The following AKAP10 variants were observed in gnomAD, a reference collection of about 807,000 sequenced individuals.
AKAP10 encodes the protein A-kinase anchor protein 10, mitochondrial.
AKAP10 carries 24 observed loss-of-function variants against 80.8 expected under a neutral mutation model. The ratio of observed to expected loss-of-function variants is 0.30; its 90% CI spans 0.22 to 0.42. AKAP10 has a LOEUF of 0.42. Ranked by LOEUF, AKAP10 falls within the 10% of genes least tolerant of loss-of-function variation. The pLI, the probability that AKAP10 is intolerant of heterozygous loss-of-function variation, is 1.00. For synonymous variants in AKAP10, 291 were observed against 277.7 expected, an observed-to-expected ratio of 1.05 and a Z score of -0.48; for missense variants, 661 against 794.9, an observed-to-expected ratio of 0.83 and a Z score of 2.03.
intron 3 of AKAP10, among the ~76,000 whole-genome samples, chr17:19,960,340 C>A (rs1317150512): frequency 6.6e-6 from 1 of 152,214 alleles, no homozygotes; most frequent in Non-Finnish European, 1.5e-5. Context: ...TTTATAACTA[C>A]ACCCACTTAC....
chr17:19,918,432 C>A lies in AKAP10; in HGVS notation c.1834+1604G>T, dbSNP rs187725174. 1.3e-3 allele frequency among the ~76,000 whole-genome samples: 191 copies of A among 152,076 alleles called. 1 individual carries two copies. Among genetic ancestry groups the A allele is most frequent in the African/African-American group, 4.4e-3 (182 of 41,466 alleles). On this transcript the variant is annotated intron_variant, in intron 12 of 14. Coordinates refer to ENST00000225737, the MANE Select transcript of AKAP10 (RefSeq NM_007202.4). ...GCCTGTAATCCCAGCTACTCAGGAG[C>A]CTGAGGCAGTAGGATCGCTTAAACC...
intron 1 of AKAP10, 47 bp downstream of exon 1, chr17:19,977,545 C>T: frequency 1.6e-6 from 2 of 1,222,012 alleles, no homozygotes; most frequent in Non-Finnish European, 2.0e-6. Context: ...GCCCCACCGC[C>T]GCCCCTGAGG....
intron 10 of AKAP10, chr17:19,929,425 G>A (rs1352476963): frequency 6.6e-6 from 1 of 152,120 alleles, no homozygotes; most frequent in Non-Finnish European, 1.5e-5. Flanking sequence ...GCTAATCTAT[G>A]CCATCAAAAG....
chr17:19,968,201 C>CA (rs34802640), intron 2 of AKAP10, among the ~76,000 whole-genome samples: 2,196 of 68,578 alleles, frequency 0.032, 81 homozygotes, highest in Non-Finnish European at 0.044. Flanking sequence ...ACTCCGTCTC[C>CA]AAAAAAAAAA....
chr17:19,911,060 T>C (rs903437081), intron 12 of AKAP10, among the ~76,000 whole-genome samples: 1 of 152,208 alleles, frequency 6.6e-6, no homozygotes, highest in African/African-American at 2.4e-5. Flanking sequence ...AATAACTGAA[T>C]TCATAAAAAA....
At chr17:19,933,860 T>C (rs1219026464) in intron 9 of AKAP10, among the ~76,000 whole-genome samples, 1 of 152,178 alleles carries the variant, frequency 6.6e-6, no homozygotes, top group African/African-American at 2.4e-5. Flanking sequence ...TGGAAAAATC[T>C]CCTCTAGTTC....
chr17:19,950,725 C>T (rs1324828312), intron 4 of AKAP10, among the ~76,000 whole-genome samples: 2 of 152,156 alleles, frequency 1.3e-5, no homozygotes, highest in African/African-American at 4.8e-5. Flanking sequence ...TCTGCCCGGC[C>T]GCCACCCCGT....
chr17:19,945,137 T>C (rs1638526), intron 5 of AKAP10, among the ~76,000 whole-genome samples: 49,046 of 152,094 alleles, frequency 0.32, 9,117 homozygotes, highest in African/African-American at 0.51. Context: ...TCTCAAATTC[T>C]TTGATCACAA....
In AKAP10 at chr17:19,905,294, A is replaced by AG. The variant is rs1597483651; in HGVS notation, c.*932dup. ...TCCAGCTCACAGCAAAGAATGGGGG[A>AG]GGCAGTCAAAGTCAAATGTTTCTCT... On this transcript the variant is annotated 3_prime_UTR_variant, in exon 15 of 15. Transcript: ENST00000225737. The AG allele has an allele frequency of 6.6e-6, 1 of 151,790 alleles. No individual in the cohort carries two copies. Among genetic ancestry groups the AG allele is most frequent in the African/African-American group, 2.4e-5 (1 of 41,306 alleles). 9.4% of individuals were successfully genotyped at this position (151,790 alleles called of 1,614,324 possible). A position where few individuals can be genotyped will look rare whatever the true frequency, so the allele number is the denominator to read the frequency against.
intron 12 of AKAP10, among the ~76,000 whole-genome samples, chr17:19,915,601 A>G (rs1487163939): frequency 2.0e-5 from 3 of 152,250 alleles, no homozygotes; most frequent in African/African-American, 7.2e-5. Flanking sequence ...ACCAAACTGC[A>G]GAAATTCCTA....
intron 5 of AKAP10, 28 bp from the exon 6 acceptor site, chr17:19,941,938 T>G: frequency 6.2e-7 from 1 of 1,602,186 alleles, no homozygotes; most frequent in South Asian, 1.1e-5. Context: ...AATAATTAAA[T>G]TGCCACTAAA....
chr17:19,919,728 C>T lies in AKAP10; in HGVS notation c.1834+308G>A, dbSNP rs549677000. On this transcript the variant is annotated intron_variant, in intron 12 of 14. Coordinates refer to ENST00000225737, the MANE Select transcript of AKAP10 (RefSeq NM_007202.4). ...AAAAAATATAATTTAATAAAATAAACGGTCTCAAACATTAAGTCCAACTTA... is the reference window on the plus strand; with the variant it reads ...AAAAAATATAATTTAATAAAATAAATGGTCTCAAACATTAAGTCCAACTTA... Among the ~76,000 whole-genome samples, 3 of 151,468 alleles carry T rather than the reference C, an allele frequency of 2.0e-5. No individual in the cohort carries two copies. In the South Asian group the frequency reaches 6.3e-4, roughly 32 times the overall value.
intron 12 of AKAP10, among the ~76,000 whole-genome samples, chr17:19,916,123 A>G (rs566128074): frequency 7.2e-5 from 11 of 152,234 alleles, no homozygotes; most frequent in African/African-American, 2.6e-4. Context: ...CTTCCTCCAC[A>G]TGCTGCCTGG....
At chr17:19,922,488 C>T (rs994777334) in intron 11 of AKAP10, among the ~76,000 whole-genome samples, 1 of 152,050 alleles carries the variant, frequency 6.6e-6, no homozygotes, top group African/African-American at 2.4e-5. Flanking sequence ...TCAAGTGAGC[C>T]GCCTGCCGAG....
chr17:19,910,652 C>A (rs968004376), intron 12 of AKAP10, among the ~76,000 whole-genome samples: 2 of 135,132 alleles, frequency 1.5e-5, no homozygotes, highest in Non-Finnish European at 3.2e-5. Flanking sequence ...CAGGATAATG[C>A]TCTTGGGTAA....
intron 1 of AKAP10, among the ~76,000 whole-genome samples, chr17:19,971,425 CTT>C (rs2043496151): frequency 6.6e-6 from 1 of 151,412 alleles, no homozygotes; most frequent in African/African-American, 2.4e-5. Flanking sequence ...AGGAGAATCA[CTT>C]TAACCCAGGA....
chr17:19,920,552 G>A (rs1216028193), intron 11 of AKAP10, among the ~76,000 whole-genome samples: 7 of 151,992 alleles, frequency 4.6e-5, no homozygotes, highest in Non-Finnish European at 1.0e-4. Flanking sequence ...AAGTTAAAAA[G>A]CAAAAAGTGG....
intron 12 of AKAP10, among the ~76,000 whole-genome samples, chr17:19,915,801 G>C (rs902640790): frequency 6.6e-6 from 1 of 152,190 alleles, no homozygotes. Flanking sequence ...TGGCAAGAAT[G>C]TTGTTTCTCT....
chr17:19,923,423 G>C (rs1427432375), intron 11 of AKAP10, among the ~76,000 whole-genome samples: 1 of 152,004 alleles, frequency 6.6e-6, no homozygotes, highest in Non-Finnish European at 1.5e-5. Context: ...ACTACACAAA[G>C]CTGACACAGC....
Sources: allele counts gnomAD v4.1 joint callset (sites outside exome capture counted in the v4.1 genomes callset), GRCh38; gene constraint gnomAD v4.1.1; transcripts MANE v1.5; gene names NCBI Gene and HGNC (gene_info 2026-07-23, HGNC 2026-07-21).